Variants in BEST2 observed in about 807,000 individuals in gnomAD.
BEST2 encodes the protein bestrophin 2, also known as bestrophin-2a.
BEST2 carries 36 observed loss-of-function variants against 49.0 expected under a neutral mutation model. The ratio of observed to expected loss-of-function variants is 0.73; its 90% CI spans 0.56 to 0.97. BEST2 has a LOEUF of 0.97. BEST2 is among the 50% of genes least tolerant of loss of function. The pLI, the probability that BEST2 is intolerant of heterozygous loss-of-function variation, is 0.00. For missense variants in BEST2, 672 were observed against 710.0 expected, an observed-to-expected ratio of 0.95 and a Z score of 0.61; for synonymous variants, 335 against 304.4, an observed-to-expected ratio of 1.10 and a Z score of -1.05.
In BEST2 at chr19:12,754,534, T is replaced by C. The variant is rs1437298316; in HGVS notation, c.248-18T>C. ...CCCTGGTGTCCCCACTGAGCCCCCA[T>C]TCCCCGCTCCCCTGCAGGCTTTTAT... On this transcript the variant is annotated intron_variant, in intron 3 of 9. Transcript: ENST00000553030. 6.9e-7 allele frequency: 1 copy of C among 1,454,876 alleles called. No homozygotes were observed. Among genetic ancestry groups the C allele is most frequent in the Non-Finnish European group, 9.2e-7 (1 of 1,088,530 alleles). The allele number at this position is 1,454,876 out of a possible 1,614,324, so 90.1% of individuals were successfully genotyped here.
In BEST2 at chr19:12,757,670, C is replaced by T. The variant is rs1336870898; in HGVS notation, c.1123C>T (p.Gln375Ter). 1.3e-6 allele frequency: 2 copies of T among 1,542,058 alleles called. No individual in the cohort carries two copies. Among genetic ancestry groups the T allele is most frequent in the African/African-American group, 1.4e-5 (1 of 73,002 alleles). ...CCGCAGGCTGGCCAAAGAAGACATG[C>T]AGTTCCAGCGGCTGGACGGCTTGGA... ...FDITLAKEDM[Q>*]FQRLDGLDGP... Residue 375 changes from glutamine to a stop codon, truncating the protein, a stop_gained, in exon 10 of 10, where the codon CAG becomes TAG. Coordinates refer to ENST00000553030, the MANE Select transcript of BEST2 (RefSeq NM_017682.3). LOFTEE classifies it low-confidence loss of function (END_TRUNC).
At chr19:12,752,462 G>A in intron 1 of BEST2, 80 bp from the exon 2 acceptor site, 1 of 968,082 alleles carries the variant, frequency 1.0e-6, no homozygotes, top group African/African-American at 1.6e-5. Context: ...CAAGGGTCAG[G>A]ACTGAAGGGG....
chr19:12,755,453 G>T lies in BEST2; in HGVS notation c.711G>T (p.Thr237=). ...GGATTAGCGTACCCCTCGTGTACACGCAGGTAACCCCATCATGCCTCTTTT... is the reference window on the plus strand; with the variant it reads ...GGATTAGCGTACCCCTCGTGTACACTCAGGTAACCCCATCATGCCTCTTTT... The part of the protein sequence containing the change: ...YDWISVPLVY[T]QVVTIALYSY... The change falls in exon 6 of 10, where the codon ACG becomes ACT. Residue 237 remains threonine (T), a synonymous_variant. Transcript: ENST00000553030. The surrounding 1 kb of genome is among the most constrained non-coding windows in gnomAD (Gnocchi z 4.4). The T allele has an allele frequency of 6.2e-7, 1 of 1,614,064 alleles. No homozygotes were observed. Among genetic ancestry groups the T allele is most frequent in the Non-Finnish European group, 8.5e-7 (1 of 1,179,970 alleles).
At chr19:12,754,067 T>TC (rs1967904566) in intron 3 of BEST2, among the ~76,000 whole-genome samples, 1 of 123,984 alleles carries the variant, frequency 8.1e-6, no homozygotes, top group South Asian at 3.0e-4. Flanking sequence ...TCTGCCTTTT[T>TC]TTTTTTTTTT....
intron 9 of BEST2, among the ~76,000 whole-genome samples, chr19:12,756,952 TGGCC>T (rs1351450656): frequency 6.6e-6 from 1 of 152,138 alleles, no homozygotes; most frequent in East Asian, 1.9e-4. Context: ...GAGACCAGCC[TGGCC>T]AACATAGTGA....
chr19:12,756,203 C>T lies in BEST2; in HGVS notation c.1011C>T (p.Tyr337=). 1 of 1,614,114 alleles carries T rather than the reference C, an allele frequency of 6.2e-7. No homozygotes were observed. Among genetic ancestry groups the T allele is most frequent in the Non-Finnish European group, 8.5e-7 (1 of 1,180,052 alleles). ...DDLAVLEKDL[Y]WDAAEARAPY... is the part of the protein sequence containing the mutation. ...TGGCTGTGCTGGAGAAGGACTTGTA[C>T]TGGGATGCAGCCGAGGCTCGCGCCC... The change falls in exon 9 of 10, where the codon TAC becomes TAT. Residue 337 remains tyrosine, a synonymous_variant. Transcript: ENST00000553030.
Position 12,758,451 on chromosome 19 carries a change from T to G in BEST2, c.*374T>G, listed in dbSNP as rs1226136237. The G allele has an allele frequency of 4.2e-6, 1 of 235,350 alleles. No individual in the cohort carries two copies. The allele number at this position is 235,350 out of a possible 1,614,324, so 14.6% of individuals were successfully genotyped here. A position where few individuals can be genotyped will look rare whatever the true frequency, so the allele number is the denominator to read the frequency against. ...TGCTCAATAAATTGCTAGTGATTTT[T>G]ACTCAAACGTTGTTAGTCTGATTTC... is the stretch of plus-strand genomic sequence containing the variant. On this transcript the variant is annotated 3_prime_UTR_variant, in exon 10 of 10. Coordinates refer to ENST00000553030, the MANE Select transcript of BEST2 (RefSeq NM_017682.3).
chr19:12,755,144 A>G lies in BEST2; in HGVS notation c.636+113A>G. The G allele has an allele frequency of 7.6e-7, 1 of 1,318,182 alleles. No homozygotes were observed. The allele number at this position is 1,318,182 out of a possible 1,614,324, so 81.7% of individuals were successfully genotyped here. On this transcript the variant is annotated intron_variant, in intron 5 of 9. Coordinates refer to ENST00000553030, the MANE Select transcript of BEST2 (RefSeq NM_017682.3). The surrounding 1 kb of genome is among the most constrained non-coding windows in gnomAD (Gnocchi z 4.4). ...CACGAGGCCGATTTCAAACACCCTC[A>G]CCAGGTGCACTCTTACCTCCATGGG... is the stretch of plus-strand genomic sequence containing the variant.
chr19:12,755,278 TC>T lies in BEST2; in HGVS notation c.637-98del. On this transcript the variant is annotated intron_variant, in intron 5 of 9. Coordinates refer to ENST00000553030, the MANE Select transcript of BEST2 (RefSeq NM_017682.3). This position sits in a 1 kb window ranked among gnomAD's most constrained non-coding sequence, Gnocchi z 4.4. The stretch of plus-strand genomic sequence containing the variant: ...GGAACCCCCAAAGCACACTCCCAAT[TC>T]CCACCAGGTGACCACCCACCTCCAT... The T allele has an allele frequency of 4.6e-6, 6 of 1,295,100 alleles. No homozygotes were observed. The highest frequency in any genetic ancestry group is 6.7e-6 in the Non-Finnish European group (6 of 900,898). The allele number at this position is 1,295,100 out of a possible 1,614,324, so 80.2% of individuals were successfully genotyped here.
At chr19:12,753,573 T>C (rs1967898818) in intron 3 of BEST2, among the ~76,000 whole-genome samples, 1 of 151,692 alleles carries the variant, frequency 6.6e-6, no homozygotes, top group Non-Finnish European at 1.5e-5. Context: ...CAGTGCCCCC[T>C]GAGGTGCCCC....
chr19:12,754,481 C>A, intron 3 of BEST2, 71 bp from the exon 4 acceptor site: 1 of 1,301,966 alleles, frequency 7.7e-7, no homozygotes, highest in Non-Finnish European at 1.0e-6. Context: ...TGCCCCCTCT[C>A]CCACAACCTG....
Position 12,758,161 on chromosome 19 carries a change from G to C in BEST2, c.*84G>C, listed in dbSNP as rs145724309. ...AGGTGTCCCGGTCTGCATAAGCCTC[G>C]TGTGCCTTTGTAAAGTCCACCTACA... On this transcript the variant is annotated 3_prime_UTR_variant, in exon 10 of 10. Transcript: ENST00000553030. The C allele has an allele frequency of 2.4e-5, 35 of 1,461,432 alleles. No individual in the cohort carries two copies. The highest frequency in any genetic ancestry group is 3.2e-5 in the Non-Finnish European group (34 of 1,078,678). 90.5% of individuals were successfully genotyped at this position (1,461,432 alleles called of 1,614,324 possible).
At position 12,755,324 on chromosome 19, in the gene BEST2, T is replaced by C; in HGVS notation, c.637-55T>C. The stretch of plus-strand genomic sequence containing the variant: ...CTCCATCCCACGTACCTACACTTAA[T>C]ATCCCTGTGTGAGCTCACCATTCAG... On this transcript the variant is annotated intron_variant, in intron 5 of 9. Transcript: ENST00000553030. This position sits in a 1 kb window ranked among gnomAD's most constrained non-coding sequence, Gnocchi z 4.4. The C allele has an allele frequency of 6.4e-7, 1 of 1,564,330 alleles. No individual in the cohort carries two copies. Among genetic ancestry groups the C allele is most frequent in the Non-Finnish European group, 8.8e-7 (1 of 1,134,944 alleles).
intron 9 of BEST2, 100 bp downstream of exon 9, chr19:12,756,395 G>T (rs1163555050): frequency 2.8e-6 from 4 of 1,453,498 alleles, no homozygotes; most frequent in Non-Finnish European, 3.8e-6. Context: ...CTGGAGATGG[G>T]GATAAGAGCT....
Position 12,757,670 on chromosome 19 carries a change from C to A in BEST2, c.1123C>A (p.Gln375Lys). 1 of 1,542,058 alleles carries A rather than the reference C, an allele frequency of 6.5e-7. No individual in the cohort carries two copies. ...FDITLAKEDMQFQRLDGLDGP... is the reference protein window; with the variant it reads ...FDITLAKEDMKFQRLDGLDGP... ...CCGCAGGCTGGCCAAAGAAGACATG[C>A]AGTTCCAGCGGCTGGACGGCTTGGA... Residue 375 changes from glutamine (Q) to lysine (K), a missense_variant, in exon 10 of 10, where the codon CAG becomes AAG. Gln to Lys is a moderately conservative substitution (Grantham distance 53). Around this residue, in one of 3 missense-constraint regions of BEST2, gnomAD observed 291 missense variants for 279.8 expected, o/e 1.04. Transcript: ENST00000553030.
chr19:12,753,358 C>T lies in BEST2; in HGVS notation c.247+4C>T, dbSNP rs1244161262. ...ATCCCTGTCTCCTTCGTGCTTGGTG[C>T]GGTCCAACCCCAAGTCCCCCGTTCC... On this transcript the variant is annotated splice_donor_region_variant and intron_variant, in intron 3 of 9. Transcript: ENST00000553030. 41 of 1,613,324 alleles carry T rather than the reference C, an allele frequency of 2.5e-5. No homozygotes were observed. The highest frequency in any genetic ancestry group is 3.1e-5 in the Non-Finnish European group (36 of 1,179,440).
Position 12,757,901 on chromosome 19 carries a change from C to G in BEST2, c.1354C>G (p.Leu452Val). Residue 452 changes from leucine (L) to valine (V), a missense_variant, in exon 10 of 10, where the codon CTG (leucine) becomes GTG (valine). Leu to Val is a conservative substitution (Grantham distance 32). Transcript: ENST00000553030. Reference protein sequence around the residue: ...AAPECSCGDPLLDPGLPEPEA... With the variant: ...AAPECSCGDPVLDPGLPEPEA... ...CCCGGAGTGCAGCTGCGGGGACCCG[C>G]TGCTCGACCCCGGCCTGCCGGAGCC... is the stretch of plus-strand genomic sequence containing the variant. 6.4e-7 allele frequency: 1 copy of G among 1,554,566 alleles called. No individual in the cohort carries two copies. Among genetic ancestry groups the G allele is most frequent in the Non-Finnish European group, 8.7e-7 (1 of 1,150,720 alleles).
In BEST2 at chr19:12,755,139, C is replaced by A. The variant is rs930911913; in HGVS notation, c.636+108C>A. On this transcript the variant is annotated intron_variant, in intron 5 of 9. Transcript: ENST00000553030. This position sits in a 1 kb window ranked among gnomAD's most constrained non-coding sequence, Gnocchi z 4.4. Reference sequence around the variant, plus strand: ...ACCCCCACGAGGCCGATTTCAAACACCCTCACCAGGTGCACTCTTACCTCC... The same window carrying A: ...ACCCCCACGAGGCCGATTTCAAACAACCTCACCAGGTGCACTCTTACCTCC... 9.5e-6 allele frequency: 13 copies of A among 1,361,510 alleles called. No homozygotes were observed. The African/African-American group carries it at 1.8e-4, about 18-fold the overall frequency. 84.3% of individuals were successfully genotyped at this position (1,361,510 alleles called of 1,614,324 possible).
intron 2 of BEST2, 86 bp downstream of exon 2, chr19:12,752,830 G>A (rs1185777814): frequency 6.3e-6 from 6 of 955,944 alleles, no homozygotes; most frequent in Non-Finnish European, 7.9e-6. Context: ...TAAAAATATA[G>A]AGATATATAA....
Sources: gnomAD v4.1 joint callset for allele counts (sites outside exome capture counted in the v4.1 genomes callset) on GRCh38, gnomAD v4.1.1 for gene constraint, gnomAD v4.1.1 regional missense constraint, Gnocchi (gnomAD v3.1) non-coding constraint, MANE v1.5 for transcripts, NCBI Gene and HGNC (gene_info 2026-07-23, HGNC 2026-07-21) for gene names.